The following RABGAP1L variants were observed in gnomAD, a reference collection of about 807,000 sequenced individuals.
The protein encoded by RABGAP1L is RAB GTPase activating protein 1 like, also known as rab GTPase-activating protein 1-like.
A neutral mutation model predicts 137.7 loss-of-function variants in RABGAP1L; 63 were observed. The ratio of observed to expected loss-of-function variants is 0.46; its 90% CI spans 0.37 to 0.56. The LOEUF is 0.56. Among genes scored for constraint, RABGAP1L ranks in the 20% least tolerant of loss-of-function variants. The probability of loss-of-function intolerance (pLI) is 0.00; values close to 1 mark genes in which losing one functional copy is unlikely to be tolerated. For missense variants in RABGAP1L, 1,095 were observed against 1,244.0 expected (o/e 0.88, Z 1.80); for synonymous variants, 431 against 433.7 (o/e 0.99, Z 0.08).
intron 13 of RABGAP1L, among the ~76,000 whole-genome samples, chr1:174,454,732 G>C (rs906983797): frequency 6.6e-6 from 1 of 151,708 alleles, no homozygotes; most frequent in African/African-American, 2.4e-5. Flanking sequence ...TGTGTTTTTA[G>C]TAGAGACTGG....
At chr1:174,711,702 T>G (rs1343771832) in intron 17 of RABGAP1L, among the ~76,000 whole-genome samples, 1 of 152,160 alleles carries the variant, frequency 6.6e-6, no homozygotes, top group African/African-American at 2.4e-5. Flanking sequence ...CTCCACGGGC[T>G]CCCGCACGCC....
intron 19 of RABGAP1L, among the ~76,000 whole-genome samples, chr1:174,861,223 CATA>C (rs1650211008): frequency 6.6e-6 from 1 of 152,144 alleles, no homozygotes; most frequent in Admixed American, 6.6e-5. Context: ...TTTCACTTAG[CATA>C]ATGTCTTCCA....
At chr1:174,600,829 G>A (rs1235469501) in intron 13 of RABGAP1L, among the ~76,000 whole-genome samples, 2 of 152,128 alleles carry the variant, frequency 1.3e-5, no homozygotes, top group African/African-American at 4.8e-5. Flanking sequence ...ACCATTCTGG[G>A]GTCTGGAGTA....
chr1:174,483,592 A>G (rs771082363), intron 13 of RABGAP1L, among the ~76,000 whole-genome samples: 6 of 152,154 alleles, frequency 3.9e-5, no homozygotes, highest in Non-Finnish European at 7.3e-5. Flanking sequence ...CTGTAATCCC[A>G]GCACTTTGGG....
chr1:174,801,989 C>G (rs1688801148), intron 18 of RABGAP1L, among the ~76,000 whole-genome samples: 1 of 152,174 alleles, frequency 6.6e-6, no homozygotes, highest in Admixed American at 6.5e-5. Flanking sequence ...TGCCACCTCT[C>G]TTTGGCATTT....
intron 19 of RABGAP1L, among the ~76,000 whole-genome samples, chr1:174,928,467 G>C (rs1269549697): frequency 2.0e-5 from 3 of 151,496 alleles, no homozygotes; most frequent in Non-Finnish European, 4.4e-5. Flanking sequence ...GTATAATGAT[G>C]AATAAACAAA....
intron 2 of RABGAP1L, among the ~76,000 whole-genome samples, chr1:174,220,322 C>T (rs1385817048): frequency 1.3e-5 from 2 of 151,986 alleles, no homozygotes; most frequent in Non-Finnish European, 2.9e-5. Flanking sequence ...TTCCTTTAGA[C>T]ATGTAAATTT....
chr1:174,600,187 G>A (rs371757708), intron 13 of RABGAP1L, among the ~76,000 whole-genome samples: 1 of 152,148 alleles, frequency 6.6e-6, no homozygotes, highest in Admixed American at 6.5e-5. Flanking sequence ...TACAAGAATA[G>A]CACGGGAAAG....
intron 11 of RABGAP1L, among the ~76,000 whole-genome samples, chr1:174,351,131 G>T (rs1366146854): frequency 6.7e-6 from 1 of 149,928 alleles, no homozygotes; most frequent in Non-Finnish European, 1.5e-5. Flanking sequence ...TTATTATCTT[G>T]TCTAACTCTT....
At chr1:174,633,079 G>A (rs1673576193) in intron 13 of RABGAP1L, among the ~76,000 whole-genome samples, 1 of 152,036 alleles carries the variant, frequency 6.6e-6, no homozygotes. Flanking sequence ...ATTAGGAAAA[G>A]AGGAAGTCAA....
chr1:174,878,822 A>G (rs1332634637), intron 19 of RABGAP1L, among the ~76,000 whole-genome samples: 1 of 152,104 alleles, frequency 6.6e-6, no homozygotes, highest in African/African-American at 2.4e-5. Flanking sequence ...AATTTGAACA[A>G]AGTATAAAAA....
At chr1:174,901,763 T>C (rs909891498) in intron 19 of RABGAP1L, among the ~76,000 whole-genome samples, 3 of 152,202 alleles carry the variant, frequency 2.0e-5, no homozygotes, top group Non-Finnish European at 2.9e-5. Context: ...CTCTGGCTTT[T>C]TTGAGGTTTT....
chr1:174,307,143 C>T (rs563367568), intron 11 of RABGAP1L, among the ~76,000 whole-genome samples: 1 of 152,160 alleles, frequency 6.6e-6, no homozygotes, highest in Non-Finnish European at 1.5e-5. Context: ...CAGAGAGCAT[C>T]ATCACTTGCT....
In RABGAP1L at chr1:174,530,842, C is replaced by T. The variant is rs574134871; in HGVS notation, c.1711-106533C>T. On this transcript the variant is annotated intron_variant, in intron 13 of 25. Transcript: ENST00000681986. The stretch of plus-strand genomic sequence containing the variant: ...ACATACATACATACATACATACGTA[C>T]GTTTGTGTAGGGAACATGCAGGGTA... Among the ~76,000 whole-genome samples the T allele has an allele frequency of 1.8e-3, 258 of 142,074 alleles. 7 individuals are homozygous for T. The South Asian group carries it at 0.037, about 20-fold the overall frequency. The allele number at this position is 142,074 out of a possible 152,430, so 93.2% of individuals were successfully genotyped here. A position where few individuals can be genotyped will look rare whatever the true frequency, so the allele number is the denominator to read the frequency against.
chr1:174,238,458 C>G (rs1324522214), intron 4 of RABGAP1L, among the ~76,000 whole-genome samples: 5 of 152,052 alleles, frequency 3.3e-5, no homozygotes, highest in Non-Finnish European at 4.4e-5. Context: ...GTGTGGATGT[C>G]CTTTCTGTTT....
At chr1:174,655,577 A>G (rs1675900362) in intron 14 of RABGAP1L, among the ~76,000 whole-genome samples, 1 of 152,216 alleles carries the variant, frequency 6.6e-6, no homozygotes, top group Non-Finnish European at 1.5e-5. Context: ...TGTGTCTACC[A>G]GGCTACTCCA....
chr1:174,648,773 T>C (rs1231881624), intron 14 of RABGAP1L, among the ~76,000 whole-genome samples: 2 of 152,140 alleles, frequency 1.3e-5, no homozygotes, highest in East Asian at 3.8e-4. Context: ...TTCTGTCTTG[T>C]TGATCTGTCT....
chr1:174,649,221 G>A (rs528030144), intron 14 of RABGAP1L, among the ~76,000 whole-genome samples: 16 of 152,168 alleles, frequency 1.1e-4, no homozygotes, highest in South Asian at 1.0e-3. Context: ...ATATTGTTAC[G>A]TGTGAATTTG....
chr1:174,987,912 C>T (rs1457941140), intron 24 of RABGAP1L, among the ~76,000 whole-genome samples: 1 of 152,098 alleles, frequency 6.6e-6, no homozygotes, highest in Non-Finnish European at 1.5e-5. Context: ...CGGGTTCAAG[C>T]GATTCTCCTG....
Sources: allele counts gnomAD v4.1 joint callset (sites outside exome capture counted in the v4.1 genomes callset), GRCh38; gene constraint gnomAD v4.1.1; transcripts MANE v1.5; gene names NCBI Gene and HGNC (gene_info 2026-07-23, HGNC 2026-07-21).